PCDH7: variants seen among roughly 807,000 people sequenced by gnomAD.
The protein encoded by PCDH7 is protocadherin-7.
Under a neutral mutation model 58.9 loss-of-function variants are expected in PCDH7, and 17 were observed. The observed-to-expected ratio is 0.29, with a 90% CI of 0.20 to 0.43. The LOEUF (loss-of-function observed/expected upper bound fraction) is 0.43, where lower values mean the gene tolerates loss of function less well. PCDH7 is among the 20% of genes least tolerant of loss of function. The pLI, the probability that PCDH7 is intolerant of heterozygous loss-of-function variation, is 1.00. For synonymous variants in PCDH7, 664 were observed against 616.4 expected (o/e 1.08, Z -1.14); for missense variants, 1,274 against 1,441.0 (o/e 0.88, Z 1.88).
chr4:30,762,486 T>C (rs1720154159), intron 1 of PCDH7, among the ~76,000 whole-genome samples: 1 of 127,832 alleles, frequency 7.8e-6, no homozygotes. Context: ...TTCTTTTCCC[T>C]TGCTTCCTGA....
In PCDH7 at chr4:31,083,874, T is replaced by A. The variant is rs73812520; in HGVS notation, c.*8-58599T>A. On this transcript the variant is annotated intron_variant, in intron 3 of 3. Transcript: ENST00000509759. ...CCACATTCCTCCCCAGTCCATTCAATGATGCTGGAATAATAAATAGGAAAT... is the reference window on the plus strand; with the variant it reads ...CCACATTCCTCCCCAGTCCATTCAAAGATGCTGGAATAATAAATAGGAAAT... Among the ~76,000 whole-genome samples, 529 of 152,310 alleles carry A rather than the reference T, an allele frequency of 3.5e-3. 2 individuals carry two copies. The highest frequency in any genetic ancestry group is 0.012 in the African/African-American group (511 of 41,554).
intron 2 of PCDH7, chr4:30,950,074 G>C (rs548174527): frequency 6.6e-6 from 1 of 152,424 alleles, no homozygotes; most frequent in African/African-American, 2.4e-5. Flanking sequence ...ATTGTATAGG[G>C]GCTGCTGATT....
At chr4:30,881,741 A>G (rs141027768) in intron 1 of PCDH7, among the ~76,000 whole-genome samples, 1 of 152,256 alleles carries the variant, frequency 6.6e-6, no homozygotes, top group East Asian at 1.9e-4. Context: ...CGAAAATGGA[A>G]ATCTTCCTTT....
At chr4:30,854,262 T>C (rs1733154076) in intron 1 of PCDH7, among the ~76,000 whole-genome samples, 1 of 149,504 alleles carries the variant, frequency 6.7e-6, no homozygotes, top group Non-Finnish European at 1.5e-5. Flanking sequence ...TTCTTGTGCA[T>C]TGTGGGACGT....
At chr4:30,861,799 T>C (rs1337549008) in intron 1 of PCDH7, among the ~76,000 whole-genome samples, 2 of 152,164 alleles carry the variant, frequency 1.3e-5, no homozygotes, top group East Asian at 3.9e-4. Flanking sequence ...TGTTCAATGG[T>C]ATAAAATCAT....
At position 31,056,442 on chromosome 4, in the gene PCDH7, GA is replaced by G. The variant is rs1246125908; in HGVS notation, c.*8-86028del. 9.0e-3 allele frequency among the ~76,000 whole-genome samples: 373 copies of G among 41,242 alleles called. 15 individuals carry two copies. The highest frequency in any genetic ancestry group is 0.076 in the African/African-American group (351 of 4,622). 27.1% of individuals were successfully genotyped at this position (41,242 alleles called of 152,430 possible). On this transcript the variant is annotated intron_variant, in intron 3 of 3. Transcript: ENST00000509759. ...AAAGAAGGAAAGAAAAAGAAAGAAG[GA>G]AAGAAAGAAAGAAAGAAGAAAGAAA...
At chr4:31,114,219 A>G (rs1444811582) in intron 3 of PCDH7, among the ~76,000 whole-genome samples, 2 of 152,292 alleles carry the variant, frequency 1.3e-5, no homozygotes, top group East Asian at 3.9e-4. Flanking sequence ...TCTAATCAGT[A>G]GAAATTGCCT....
intron 3 of PCDH7, among the ~76,000 whole-genome samples, chr4:30,994,643 C>T (rs561008261): frequency 6.9e-4 from 105 of 152,148 alleles, no homozygotes; most frequent in African/African-American, 2.5e-3. Flanking sequence ...TGAGATGGTC[C>T]TATTAACATT....
chr4:30,738,307 C>A (rs1337329037), intron 1 of PCDH7, among the ~76,000 whole-genome samples: 1 of 151,982 alleles, frequency 6.6e-6, no homozygotes, highest in Admixed American at 6.6e-5. Flanking sequence ...CCCGTCCATT[C>A]CTGGGAAAGT....
At chr4:31,090,351 G>A (rs1022123792) in intron 3 of PCDH7, among the ~76,000 whole-genome samples, 1 of 152,076 alleles carries the variant, frequency 6.6e-6, no homozygotes, top group Non-Finnish European at 1.5e-5. Flanking sequence ...GGCATGCAGT[G>A]CATAATACTC....
intron 1 of PCDH7, among the ~76,000 whole-genome samples, chr4:30,875,577 T>C (rs1365321351): frequency 6.6e-6 from 1 of 152,042 alleles, no homozygotes; most frequent in African/African-American, 2.4e-5. Context: ...TTCAAACACT[T>C]TCAAGAGTAT....
chr4:31,039,213 T>C (rs963703061), intron 3 of PCDH7, among the ~76,000 whole-genome samples: 1 of 152,214 alleles, frequency 6.6e-6, no homozygotes, highest in South Asian at 2.1e-4. Flanking sequence ...CACTGCACTT[T>C]TGTGACAGTG....
chr4:30,920,423 G>A (rs1743046246), intron 2 of PCDH7, 54 bp downstream of exon 2: 1 of 1,269,828 alleles, frequency 7.9e-7, no homozygotes, highest in South Asian at 1.2e-5. Context: ...GCCGTAATAA[G>A]TAGACTCGCG....
chr4:30,819,669 G>T (rs1271230054), intron 1 of PCDH7, among the ~76,000 whole-genome samples: 2 of 152,134 alleles, frequency 1.3e-5, no homozygotes, highest in East Asian at 3.8e-4. Flanking sequence ...GAAATTATTT[G>T]TTTAGTGGAT....
At chr4:31,004,615 G>A (rs747220556) in intron 3 of PCDH7, among the ~76,000 whole-genome samples, 1 of 151,970 alleles carries the variant, frequency 6.6e-6, no homozygotes, top group Admixed American at 6.6e-5. Context: ...GAACCCGGGA[G>A]GTGGAGGTTG....
At chr4:31,137,791 TAAAC>T (rs775205250) in intron 3 of PCDH7, among the ~76,000 whole-genome samples, 286 of 152,250 alleles carry the variant, frequency 1.9e-3, no homozygotes, top group East Asian at 9.7e-4. Flanking sequence ...ATATGTGAGT[TAAAC>T]AAATAAATGA....
intron 3 of PCDH7, among the ~76,000 whole-genome samples, chr4:31,011,539 A>G (rs1444709116): frequency 1.3e-5 from 2 of 151,996 alleles, no homozygotes; most frequent in Non-Finnish European, 2.9e-5. Flanking sequence ...TTCTTTGCAG[A>G]TAAGACATGT....
chr4:30,769,148 G>C (rs980221436), intron 1 of PCDH7, among the ~76,000 whole-genome samples: 50 of 152,212 alleles, frequency 3.3e-4, no homozygotes, highest in Middle Eastern at 3.2e-3. Flanking sequence ...ATCTAGTTAA[G>C]TGTAGATGAG....
intron 1 of PCDH7, among the ~76,000 whole-genome samples, chr4:30,886,564 G>A (rs1402687368): frequency 1.3e-5 from 2 of 148,828 alleles, no homozygotes; most frequent in Non-Finnish European, 3.0e-5. Context: ...AGTCAGTGTG[G>A]CGATTCCTCA....
Sources: gnomAD v4.1 joint callset for allele counts (sites outside exome capture counted in the v4.1 genomes callset) on GRCh38, gnomAD v4.1.1 for gene constraint, MANE v1.5 for transcripts, NCBI Gene and HGNC (gene_info 2026-07-23, HGNC 2026-07-21) for gene names.